SEMA5A: variants seen among roughly 807,000 people sequenced by gnomAD.
The protein encoded by SEMA5A is semaphorin 5A.
A neutral mutation model predicts 135.5 loss-of-function variants in SEMA5A; 55 were observed. That is an observed-to-expected ratio of 0.41 (90% CI 0.33 to 0.51). SEMA5A has a LOEUF of 0.51. Ranked by LOEUF, SEMA5A falls within the 20% of genes least tolerant of loss-of-function variation. SEMA5A has a pLI of 0.37. For missense variants in SEMA5A, 1,290 were observed against 1,419.9 expected (o/e 0.91, Z 1.47); for synonymous variants, 580 against 546.5 (o/e 1.06, Z -0.85).
At chr5:9,544,244 G>A (rs748799812) in intron 1 of SEMA5A, among the ~76,000 whole-genome samples, 3 of 152,040 alleles carry the variant, frequency 2.0e-5, no homozygotes, top group Non-Finnish European at 4.4e-5. Context: ...ACAATCATTT[G>A]TGACTCCTGA....
At chr5:9,533,303 G>T (rs954201401) in intron 1 of SEMA5A, among the ~76,000 whole-genome samples, 2 of 152,158 alleles carry the variant, frequency 1.3e-5, no homozygotes, top group African/African-American at 4.8e-5. Flanking sequence ...TACAACATTG[G>T]CTTGCTCCTC....
At chr5:9,503,163 T>C (rs867426438) in intron 1 of SEMA5A, among the ~76,000 whole-genome samples, 1 of 152,070 alleles carries the variant, frequency 6.6e-6, no homozygotes, top group African/African-American at 2.4e-5. Context: ...GAATTCAAAA[T>C]ACATTGTGAA....
intron 5 of SEMA5A, among the ~76,000 whole-genome samples, chr5:9,281,861 G>C (rs1376608567): frequency 1.5e-5 from 2 of 135,166 alleles, no homozygotes; most frequent in Non-Finnish European, 3.1e-5. Flanking sequence ...GCCTTGCTCT[G>C]TCACCCAGGC....
chr5:9,335,842 C>T (rs1021994624), intron 4 of SEMA5A, among the ~76,000 whole-genome samples: 4 of 152,146 alleles, frequency 2.6e-5, no homozygotes, highest in Non-Finnish European at 4.4e-5. Context: ...GTTGAATCAA[C>T]AGGTATCTTT....
At chr5:9,083,964 T>G (rs253628) in intron 16 of SEMA5A, among the ~76,000 whole-genome samples, 134,123 of 152,182 alleles carry the variant, frequency 0.88, 59,176 homozygotes, top group East Asian at 0.96. Context: ...ACATACAGCA[T>G]TTTAGTTACC....
chr5:9,476,466 T>C (rs572940417), intron 1 of SEMA5A, among the ~76,000 whole-genome samples: 1 of 152,268 alleles, frequency 6.6e-6, no homozygotes, highest in Admixed American at 6.5e-5. Flanking sequence ...AGCTGCCTTT[T>C]TGGTTTCTTG....
intron 1 of SEMA5A, among the ~76,000 whole-genome samples, chr5:9,444,630 G>A (rs138379429): frequency 3.9e-5 from 6 of 152,114 alleles, no homozygotes; most frequent in East Asian, 1.9e-4. Flanking sequence ...TTGCAATTGC[G>A]AACTGTGATC....
chr5:9,499,011 C>T (rs1735445051), intron 1 of SEMA5A, among the ~76,000 whole-genome samples: 1 of 152,168 alleles, frequency 6.6e-6, no homozygotes, highest in Non-Finnish European at 1.5e-5. Context: ...TATGACAATG[C>T]CGCAACTATG....
chr5:9,519,321 T>C (rs141380832), intron 1 of SEMA5A, among the ~76,000 whole-genome samples: 45 of 152,364 alleles, frequency 3.0e-4, no homozygotes, highest in African/African-American at 1.0e-3. Context: ...TGTTGATGGA[T>C]TGACCAAATT....
At chr5:9,258,561 A>T (rs988770152) in intron 5 of SEMA5A, among the ~76,000 whole-genome samples, 2 of 152,156 alleles carry the variant, frequency 1.3e-5, no homozygotes, top group Non-Finnish European at 2.9e-5. Context: ...TAGGTTATCC[A>T]GGGGAACAAA....
intron 16 of SEMA5A, among the ~76,000 whole-genome samples, chr5:9,093,178 G>A (rs1739128688): frequency 6.6e-6 from 1 of 152,076 alleles, no homozygotes; most frequent in Non-Finnish European, 1.5e-5. Flanking sequence ...AATGATTGTG[G>A]GAAAGGAGAA....
chr5:9,295,470 T>C (rs1268852313), intron 5 of SEMA5A, among the ~76,000 whole-genome samples: 2 of 152,112 alleles, frequency 1.3e-5, no homozygotes, highest in African/African-American at 4.8e-5. Context: ...AATGTTTGAA[T>C]CTTAGGCTGG....
intron 11 of SEMA5A, among the ~76,000 whole-genome samples, chr5:9,168,989 C>T (rs1743764360): frequency 6.6e-6 from 1 of 152,136 alleles, no homozygotes; most frequent in South Asian, 2.1e-4. Context: ...ACTCAGACCC[C>T]TCTGCCAAAA....
intron 5 of SEMA5A, among the ~76,000 whole-genome samples, chr5:9,310,501 G>A (rs916213963): frequency 1.3e-5 from 2 of 151,986 alleles, no homozygotes; most frequent in Non-Finnish European, 2.9e-5. Flanking sequence ...CTGTGGGGGA[G>A]ACCAGTCTCT....
At chr5:9,394,319 T>A (rs1192808126) in intron 2 of SEMA5A, among the ~76,000 whole-genome samples, 1 of 151,810 alleles carries the variant, frequency 6.6e-6, no homozygotes, top group Non-Finnish European at 1.5e-5. Flanking sequence ...CCCCCAAGAG[T>A]GGTAACCATT....
chr5:9,305,182 C>T (rs2150624462), intron 5 of SEMA5A, among the ~76,000 whole-genome samples: 1 of 152,172 alleles, frequency 6.6e-6, no homozygotes, highest in South Asian at 2.1e-4. Flanking sequence ...TCATATATTT[C>T]CCTTGATTTT....
At chr5:9,338,114 C>T (rs1403993002) in intron 3 of SEMA5A, among the ~76,000 whole-genome samples, 1 of 152,190 alleles carries the variant, frequency 6.6e-6, no homozygotes, top group African/African-American at 2.4e-5. Context: ...GAAAATAACA[C>T]AGCATTCACA....
At position 9,353,184 on chromosome 5, in the gene SEMA5A, G is replaced by A. The variant is rs867151339; in HGVS notation, c.125-15372C>T. Among the ~76,000 whole-genome samples the A allele has an allele frequency of 4.0e-3, 46 of 11,402 alleles. 1 individual carries two copies. Among genetic ancestry groups the A allele is most frequent in the African/African-American group, 8.7e-3 (27 of 3,118 alleles). The allele number at this position is 11,402 out of a possible 152,430, so 7.5% of individuals were successfully genotyped here. A position where few individuals can be genotyped will look rare whatever the true frequency, so the allele number is the denominator to read the frequency against. ...AAGGAGGGAAAGGAAGGGAAAGGAA[G>A]GGAAGGGAAAGGAAAGGAAAGGAAA... is the stretch of plus-strand genomic sequence containing the variant. On this transcript the variant is annotated intron_variant, in intron 3 of 22. Coordinates refer to ENST00000382496, the MANE Select transcript of SEMA5A (RefSeq NM_003966.3).
chr5:9,132,458 C>T (rs2150209071), intron 13 of SEMA5A, among the ~76,000 whole-genome samples: 1 of 152,314 alleles, frequency 6.6e-6, no homozygotes, highest in East Asian at 1.9e-4. Context: ...GCCCTCCCAA[C>T]TTCTTCTAGG....
Sources: gnomAD v4.1 joint callset for allele counts (sites outside exome capture counted in the v4.1 genomes callset) on GRCh38, gnomAD v4.1.1 for gene constraint, MANE v1.5 for transcripts, NCBI Gene and HGNC (gene_info 2026-07-23, HGNC 2026-07-21) for gene names.